NDST3: variants seen among roughly 807,000 people sequenced by gnomAD.
The protein encoded by NDST3 is bifunctional heparan sulfate N-deacetylase/N-sulfotransferase 3.
NDST3 carries 58 observed loss-of-function variants against 96.1 expected under a neutral mutation model. The observed-to-expected ratio is 0.60, with a 90% CI of 0.49 to 0.75. The LOEUF is 0.75. NDST3 is among the 30% of genes least tolerant of loss of function. NDST3 has a pLI of 0.00. For synonymous variants in NDST3, 333 were observed against 359.7 expected (o/e 0.93, Z 0.84); for missense variants, 788 against 1,034.2 (o/e 0.76, Z 3.27).
intron 5 of NDST3, among the ~76,000 whole-genome samples, chr4:118,139,885 G>A (rs1354461529): frequency 1.3e-5 from 2 of 151,658 alleles, no homozygotes; most frequent in African/African-American, 4.9e-5. Context: ...TGACTTTCAT[G>A]TGTGAACCTG....
chr4:118,141,492 G>T (rs1733568958), intron 5 of NDST3, among the ~76,000 whole-genome samples: 1 of 151,960 alleles, frequency 6.6e-6, no homozygotes, highest in South Asian at 2.1e-4. Flanking sequence ...GCAGTTGCAG[G>T]GTAAAGCCTG....
In NDST3 at chr4:118,194,097, T is replaced by C; in HGVS notation, c.1540-30394T>C. The C allele has an allele frequency of 5.1e-6, 7 of 1,382,186 alleles. 1 individual carries two copies. In the South Asian group the frequency reaches 8.1e-5, roughly 16 times the overall value. The allele number at this position is 1,382,186 out of a possible 1,614,324, so 85.6% of individuals were successfully genotyped here. Reference sequence around the variant, plus strand: ...ATTTGGAACTTTTCCTTCCTAACACTGCCAAAAGCATAGCTGGGTTTGAGG... The same window carrying C: ...ATTTGGAACTTTTCCTTCCTAACACCGCCAAAAGCATAGCTGGGTTTGAGG... On this transcript the variant is annotated intron_variant, in intron 6 of 13. Transcript: ENST00000296499.
chr4:118,215,541 G>T (rs1271464623), intron 6 of NDST3, among the ~76,000 whole-genome samples: 1 of 152,056 alleles, frequency 6.6e-6, no homozygotes, highest in Non-Finnish European at 1.5e-5. Context: ...TGGCTGGGTA[G>T]GACAGTGGCT....
At chr4:118,134,483 C>G (rs193170027) in intron 4 of NDST3, among the ~76,000 whole-genome samples, 2 of 152,010 alleles carry the variant, frequency 1.3e-5, no homozygotes, top group African/African-American at 4.8e-5. Context: ...ATGGTAGATT[C>G]GACTAGGGTG....
chr4:118,147,480 G>C lies in NDST3; in HGVS notation c.1539+3796G>C, dbSNP rs115798905. Among the ~76,000 whole-genome samples the C allele has an allele frequency of 6.6e-3, 1,010 of 152,242 alleles. 8 individuals carry two copies. The highest frequency in any genetic ancestry group is 0.023 in the African/African-American group (968 of 41,536). On this transcript the variant is annotated intron_variant, in intron 6 of 13. Transcript: ENST00000296499. The stretch of plus-strand genomic sequence containing the variant: ...ACTCATATATATTTTCAAAAATTGT[G>C]ATATTCTATTTACTTTAGATACTTA...
In NDST3 at chr4:118,090,084, C is replaced by T. The variant is rs376479179; in HGVS notation, c.982-14934C>T. Among the ~76,000 whole-genome samples the T allele has an allele frequency of 7.9e-5, 12 of 152,026 alleles. No homozygotes were observed. In the East Asian group the frequency reaches 9.7e-4, roughly 12 times the overall value. On this transcript the variant is annotated intron_variant, in intron 2 of 13. Transcript: ENST00000296499. ...TCCATAGTCCATGGGGCAACCATAG[C>T]AAAGGACCATCTGATCCTCACGACA...
At chr4:118,202,357 A>G (rs1182372759) in intron 6 of NDST3, among the ~76,000 whole-genome samples, 1 of 152,106 alleles carries the variant, frequency 6.6e-6, no homozygotes, top group African/African-American at 2.4e-5. Flanking sequence ...TCTGTGAAAA[A>G]TGGCTTTGGT....
At chr4:118,254,640 T>C (rs1742000497) in intron 13 of NDST3, among the ~76,000 whole-genome samples, 1 of 152,202 alleles carries the variant, frequency 6.6e-6, no homozygotes, top group Non-Finnish European at 1.5e-5. Flanking sequence ...AATATAACCA[T>C]GCAAGTAGAT....
Position 118,054,713 on chromosome 4 carries a change from A to G in NDST3, c.803A>G (p.Gln268Arg), listed in dbSNP as rs1725297301. The G allele has an allele frequency of 6.2e-7, 1 of 1,613,404 alleles. No individual in the cohort carries two copies. Among genetic ancestry groups the G allele is most frequent in the Non-Finnish European group, 8.5e-7 (1 of 1,179,508 alleles). Residue 268 changes from glutamine (Q) to arginine (R), a missense_variant, in exon 2 of 14, where the codon CAA becomes CGA. Physicochemically the swap from Gln to Arg is conservative, Grantham distance 43. Coordinates refer to ENST00000296499, the MANE Select transcript of NDST3 (RefSeq NM_004784.3). ...GACCTGGGGCTTCATGATGGAATTCAAAGGGTTCTTTTTGGCAACAACTTG... is the reference window on the plus strand; with the variant it reads ...GACCTGGGGCTTCATGATGGAATTCGAAGGGTTCTTTTTGGCAACAACTTG... Reference protein sequence around the residue: ...IHDLGLHDGIQRVLFGNNLNF... With the variant: ...IHDLGLHDGIRRVLFGNNLNF...
chr4:118,114,842 T>G lies in NDST3; in HGVS notation c.1106T>G (p.Leu369Trp). The G allele has an allele frequency of 6.2e-7, 1 of 1,614,086 alleles. No homozygotes were observed. The highest frequency in any genetic ancestry group is 8.5e-7 in the Non-Finnish European group (1 of 1,179,970). Residue 369 changes from leucine to tryptophan, a missense_variant, in exon 4 of 14, where the codon TTG becomes TGG. By Grantham distance (61) the Leu-to-Trp change is moderately conservative. This residue lies in a region of NDST3 where 490 missense variants were observed against 708.8 expected (regional missense o/e 0.69). Transcript: ENST00000296499. ...GAAGATGAAGGAGATGACTGTCTGT[T>G]GGGGTCTGTGGATGAGTTCTGGTGG... is the stretch of plus-strand genomic sequence containing the variant. ...EEEDEGDDCL[L>W]GSVDEFWWFP...
At chr4:118,215,256 C>G (rs1048320237) in intron 6 of NDST3, among the ~76,000 whole-genome samples, 3 of 151,952 alleles carry the variant, frequency 2.0e-5, no homozygotes, top group African/African-American at 7.3e-5. Flanking sequence ...AAGGAAGAAT[C>G]AGTGAAAAAT....
intron 2 of NDST3, among the ~76,000 whole-genome samples, chr4:118,073,802 T>C (rs1194885565): frequency 6.6e-6 from 1 of 152,104 alleles, no homozygotes; most frequent in East Asian, 1.9e-4. Flanking sequence ...TTGCAGTTGG[T>C]TTGCTATTGT....
At chr4:118,038,264 T>C (rs1325808555) in intron 1 of NDST3, among the ~76,000 whole-genome samples, 1 of 152,152 alleles carries the variant, frequency 6.6e-6, no homozygotes, top group African/African-American at 2.4e-5. Flanking sequence ...CCTTAAGTCA[T>C]ATAGGGCAGA....
intron 4 of NDST3, among the ~76,000 whole-genome samples, chr4:118,118,437 G>A (rs1176538318): frequency 1.3e-5 from 2 of 152,064 alleles, no homozygotes; most frequent in Admixed American, 6.6e-5. Context: ...TTTGGGTTTC[G>A]GCCTTTGCTA....
chr4:118,041,778 A>T (rs1724479861), intron 1 of NDST3, among the ~76,000 whole-genome samples: 1 of 152,214 alleles, frequency 6.6e-6, no homozygotes, highest in South Asian at 2.1e-4. Context: ...TTACATGTTG[A>T]TCTTGTTGGC....
At chr4:118,115,820 A>G (rs1731037530) in intron 4 of NDST3, among the ~76,000 whole-genome samples, 1 of 152,196 alleles carries the variant, frequency 6.6e-6, no homozygotes, top group Non-Finnish European at 1.5e-5. Flanking sequence ...GTTAGAATGT[A>G]TACACTATAT....
chr4:118,145,151 G>A (rs1578721863), intron 6 of NDST3, among the ~76,000 whole-genome samples: 1 of 152,258 alleles, frequency 6.6e-6, no homozygotes, highest in East Asian at 1.9e-4. Context: ...AGTATTTTGA[G>A]TCTCCTTATA....
chr4:118,129,531 C>G (rs1487018851), intron 4 of NDST3, among the ~76,000 whole-genome samples: 1 of 151,910 alleles, frequency 6.6e-6, no homozygotes, highest in Non-Finnish European at 1.5e-5. Flanking sequence ...TAGTTTTATT[C>G]CATTGTTGTC....
At chr4:118,106,282 T>C (rs1334392454) in intron 3 of NDST3, among the ~76,000 whole-genome samples, 1 of 152,188 alleles carries the variant, frequency 6.6e-6, no homozygotes, top group African/African-American at 2.4e-5. Context: ...CAATTTATCA[T>C]TTTTTTCTTT....
Sources: allele counts gnomAD v4.1 joint callset (sites outside exome capture counted in the v4.1 genomes callset), GRCh38; gene constraint gnomAD v4.1.1; regional missense constraint gnomAD v4.1.1; transcripts MANE v1.5; gene names NCBI Gene and HGNC (gene_info 2026-07-23, HGNC 2026-07-21).